The following GABRG3 variants were observed in gnomAD, a reference collection of about 807,000 sequenced individuals.
The protein encoded by GABRG3 is gamma-aminobutyric acid receptor subunit gamma-3.
A neutral mutation model predicts 48.8 loss-of-function variants in GABRG3; 25 were observed. That is an observed-to-expected ratio of 0.51 (90% CI 0.37 to 0.72). GABRG3 has a LOEUF of 0.72. GABRG3 is among the 30% of genes least tolerant of loss of function. The pLI is 0.00. For synonymous variants in GABRG3, 227 were observed against 217.6 expected (o/e 1.04, Z -0.38); for missense variants, 394 against 577.9 (o/e 0.68, Z 3.26).
chr15:27,115,486 TTCTGCGTTTCTCATCAA>T (rs1174015102), intron 3 of GABRG3, among the ~76,000 whole-genome samples: 1 of 152,170 alleles, frequency 6.6e-6, no homozygotes, highest in East Asian at 1.9e-4. Flanking sequence ...CAGCAGATAC[TTCTGCGTTTCTCATCAA>T]TAAACAATGC....
chr15:27,250,810 A>G (rs906980223), intron 3 of GABRG3, among the ~76,000 whole-genome samples: 1 of 152,146 alleles, frequency 6.6e-6, no homozygotes, highest in Non-Finnish European at 1.5e-5. Flanking sequence ...CGGAGGTGGG[A>G]AGAGTGCAGA....
chr15:27,510,630 T>C (rs2150858303), intron 6 of GABRG3, among the ~76,000 whole-genome samples: 1 of 152,348 alleles, frequency 6.6e-6, no homozygotes, highest in South Asian at 2.1e-4. Flanking sequence ...AGTGATCAGA[T>C]AGAAATTTCT....
At chr15:27,057,076 A>G (rs1040744152) in intron 3 of GABRG3, among the ~76,000 whole-genome samples, 8 of 152,178 alleles carry the variant, frequency 5.3e-5, no homozygotes, top group African/African-American at 1.9e-4. Context: ...CAGGTGGAGA[A>G]ATAAACCTTC....
intron 3 of GABRG3, among the ~76,000 whole-genome samples, chr15:27,130,402 G>C (rs780300240): frequency 6.6e-6 from 1 of 152,030 alleles, no homozygotes; most frequent in Non-Finnish European, 1.5e-5. Flanking sequence ...CACTGGTCTA[G>C]ATATCTGTCT....
intron 5 of GABRG3, among the ~76,000 whole-genome samples, chr15:27,418,378 G>A (rs1197972413): frequency 6.6e-6 from 1 of 152,222 alleles, no homozygotes; most frequent in African/African-American, 2.4e-5. Context: ...TCAGGAAGCA[G>A]GCCTGGCCAC....
chr15:27,098,347 T>C (rs1389855916), intron 3 of GABRG3, among the ~76,000 whole-genome samples: 2 of 152,014 alleles, frequency 1.3e-5, no homozygotes, highest in African/African-American at 4.8e-5. Context: ...TACAGGAGAA[T>C]TGCTTGAACC....
intron 3 of GABRG3, among the ~76,000 whole-genome samples, chr15:27,114,163 G>A (rs1392920859): frequency 2.0e-5 from 3 of 152,056 alleles, no homozygotes; most frequent in Non-Finnish European, 4.4e-5. Context: ...GGCTTGTCTC[G>A]TACATTTCTT....
At chr15:27,421,355 C>T (rs1888107191) in intron 5 of GABRG3, among the ~76,000 whole-genome samples, 1 of 152,220 alleles carries the variant, frequency 6.6e-6, no homozygotes, top group Non-Finnish European at 1.5e-5. Context: ...AAAATTTGCC[C>T]AAAGTTTTAA....
chr15:27,328,889 G>A lies in GABRG3; in HGVS notation c.574+1G>A, dbSNP rs1893710484. ...TCCTGCCCGCTGATTTTCTCCAGCT[G>A]TGAGTACCAGTCCAAGCCCGGGGTG... is the stretch of plus-strand genomic sequence containing the variant. On this transcript the variant is annotated splice_donor_variant, in intron 5 of 9. Coordinates refer to ENST00000615808, the MANE Select transcript of GABRG3 (RefSeq NM_033223.5). LOFTEE classifies it high-confidence loss of function. 6.2e-7 allele frequency: 1 copy of A among 1,613,424 alleles called. No individual in the cohort carries two copies. Among genetic ancestry groups the A allele is most frequent in the Non-Finnish European group, 8.5e-7 (1 of 1,179,432 alleles).
chr15:27,248,556 A>C (rs554830204), intron 3 of GABRG3, among the ~76,000 whole-genome samples: 23 of 152,282 alleles, frequency 1.5e-4, no homozygotes, highest in African/African-American at 5.3e-4. Context: ...CAGACACAAA[A>C]TATAAGTATT....
intron 3 of GABRG3, among the ~76,000 whole-genome samples, chr15:27,322,315 G>C (rs1190718962): frequency 6.6e-6 from 1 of 152,140 alleles, no homozygotes. Flanking sequence ...AACACTGTAG[G>C]ACGCTCCCCT....
At position 27,541,671 on chromosome 15, in the gene GABRG3, A is replaced by T. The variant is rs991792672; in HGVS notation, c.*8790A>T. The T allele has an allele frequency of 1.3e-5, 2 of 152,188 alleles. No homozygotes were observed. The highest frequency in any genetic ancestry group is 4.8e-5 in the African/African-American group (2 of 41,416). The allele number at this position is 152,188 out of a possible 1,614,324, so 9.4% of individuals were successfully genotyped here. A position where few individuals can be genotyped will look rare whatever the true frequency, so the allele number is the denominator to read the frequency against. On this transcript the variant is annotated 3_prime_UTR_variant, in exon 10 of 10. Transcript: ENST00000615808. ...CCGCCCTCACCAAGTGGCCTCCAGT[A>T]GCCCCTGTGTCCCTGTCGTCCCGCG...
chr15:27,070,371 A>G (rs1315095117), intron 3 of GABRG3, among the ~76,000 whole-genome samples: 1 of 152,228 alleles, frequency 6.6e-6, no homozygotes, highest in Non-Finnish European at 1.5e-5. Flanking sequence ...GTCTGTTTTC[A>G]TCATTCAGAG....
intron 6 of GABRG3, among the ~76,000 whole-genome samples, chr15:27,489,030 C>A (rs113169934): frequency 6.7e-6 from 1 of 150,284 alleles, no homozygotes; most frequent in Non-Finnish European, 1.5e-5. Context: ...CCTCCCCCAT[C>A]CCCCCACCCC....
In GABRG3 at chr15:27,537,788, G is replaced by T. The variant is rs920689350; in HGVS notation, c.*4907G>T. On this transcript the variant is annotated 3_prime_UTR_variant, in exon 10 of 10. Transcript: ENST00000615808. ...GATCTAGTTGTATTAAGGCCAAAAGGCAGACTTTCTTTATATTTATTTTTA... is the reference window on the plus strand; with the variant it reads ...GATCTAGTTGTATTAAGGCCAAAAGTCAGACTTTCTTTATATTTATTTTTA... 2 of 150,776 alleles carry T rather than the reference G, an allele frequency of 1.3e-5. No homozygotes were observed. Among genetic ancestry groups the T allele is most frequent in the Non-Finnish European group, 1.5e-5 (1 of 67,716 alleles). 9.3% of individuals were successfully genotyped at this position (150,776 alleles called of 1,614,324 possible).
At chr15:27,250,110 T>C (rs973134037) in intron 3 of GABRG3, among the ~76,000 whole-genome samples, 1 of 152,042 alleles carries the variant, frequency 6.6e-6, no homozygotes, top group Non-Finnish European at 1.5e-5. Context: ...CACCAGGTGC[T>C]CTGTCGCCTC....
intron 5 of GABRG3, among the ~76,000 whole-genome samples, chr15:27,470,212 T>C (rs899254134): frequency 6.6e-6 from 1 of 151,914 alleles, no homozygotes; most frequent in Non-Finnish European, 1.5e-5. Flanking sequence ...TGGGTGTCTT[T>C]TTTTCTTTTT....
At chr15:27,396,279 G>A (rs548271511) in intron 5 of GABRG3, among the ~76,000 whole-genome samples, 241 of 152,270 alleles carry the variant, frequency 1.6e-3, no homozygotes, top group African/African-American at 5.7e-3. Flanking sequence ...TGTATCCAGA[G>A]TATGTAAGGA....
intron 3 of GABRG3, among the ~76,000 whole-genome samples, chr15:27,084,191 T>C (rs4887525): frequency 0.22 from 32,983 of 152,216 alleles, 3,775 homozygotes; most frequent in Middle Eastern, 0.29. Context: ...TTCTTTCAGT[T>C]CAGACTCAAA....
Sources: gnomAD v4.1 joint callset for allele counts (sites outside exome capture counted in the v4.1 genomes callset) on GRCh38, gnomAD v4.1.1 for gene constraint, MANE v1.5 for transcripts, NCBI Gene and HGNC (gene_info 2026-07-23, HGNC 2026-07-21) for gene names.